TRAPPC9: variants seen among roughly 807,000 people sequenced by gnomAD.
The protein encoded by TRAPPC9 is trafficking protein particle complex subunit 9.
TRAPPC9 carries 83 observed loss-of-function variants against 124.0 expected under a neutral mutation model. That is an observed-to-expected ratio of 0.67 (90% CI 0.56 to 0.80). The LOEUF (loss-of-function observed/expected upper bound fraction) is 0.80. Among genes scored for constraint, TRAPPC9 ranks in the 30% least tolerant of loss-of-function variants. The pLI is 0.00. For synonymous variants in TRAPPC9, 638 were observed against 617.5 expected, an observed-to-expected ratio of 1.03 and a Z score of -0.49; for missense variants, 1,302 against 1,508.3, an observed-to-expected ratio of 0.86 and a Z score of 2.27.
At chr8:139,958,751 G>A (rs574888292) in intron 19 of TRAPPC9, among the ~76,000 whole-genome samples, 1 of 152,352 alleles carries the variant, frequency 6.6e-6, no homozygotes, top group East Asian at 1.9e-4. Context: ...GACAGGGTGT[G>A]CAGTCAGCTT....
chr8:140,318,348 C>T (rs1293741319), intron 9 of TRAPPC9, among the ~76,000 whole-genome samples: 1 of 152,156 alleles, frequency 6.6e-6, no homozygotes, highest in Non-Finnish European at 1.5e-5. Context: ...ATGTCCATCA[C>T]CTGAAATATT....
intron 21 of TRAPPC9, among the ~76,000 whole-genome samples, chr8:139,870,737 G>T (rs1587044096): frequency 6.6e-6 from 1 of 152,346 alleles, no homozygotes; most frequent in East Asian, 1.9e-4. Flanking sequence ...CCAGAAATGG[G>T]ACAACAGCAG....
At chr8:139,865,317 C>T (rs1301616987) in intron 21 of TRAPPC9, among the ~76,000 whole-genome samples, 1 of 152,198 alleles carries the variant, frequency 6.6e-6, no homozygotes, top group Non-Finnish European at 1.5e-5. Flanking sequence ...CCTGAGGACT[C>T]CTTGAGGAGA....
Position 140,435,096 on chromosome 8 carries a change from A to T in TRAPPC9, c.859+16T>A, listed in dbSNP as rs769823460. The T allele has an allele frequency of 1.2e-6, 2 of 1,614,214 alleles. No individual in the cohort carries two copies. The highest frequency in any genetic ancestry group is 1.7e-6 in the Non-Finnish European group (2 of 1,180,022). On this transcript the variant is annotated intron_variant, in intron 4 of 22. Transcript: ENST00000438773. ...GACTGCAAGTGAGCAGAGGCCGGAA[A>T]AAGGGCAGAGCTCACCTGGCCGGTG... is the stretch of plus-strand genomic sequence containing the variant.
chr8:140,215,315 G>C (rs1051145550), intron 17 of TRAPPC9, among the ~76,000 whole-genome samples: 1 of 152,220 alleles, frequency 6.6e-6, no homozygotes. Flanking sequence ...CTCCTTAAGG[G>C]TGGGACCACA....
Position 140,063,258 on chromosome 8 carries a change from A to G in TRAPPC9, c.2557-39179T>C, listed in dbSNP as rs1371070097. Among the ~76,000 whole-genome samples the G allele has an allele frequency of 6.6e-6, 1 of 152,212 alleles. No homozygotes were observed. Among genetic ancestry groups the G allele is most frequent in the Admixed American group, 6.5e-5 (1 of 15,286 alleles). On this transcript the variant is annotated intron_variant, in intron 17 of 22. Coordinates refer to ENST00000438773, the MANE Select transcript of TRAPPC9 (RefSeq NM_001160372.4). This position sits in a 1 kb window ranked among gnomAD's most constrained non-coding sequence, Gnocchi z 4.3. ...TCGGGTGGGAGCACAAAGCCTAAGC[A>G]TATCACCAACACATTTTGGTTTTCA...
intron 21 of TRAPPC9, among the ~76,000 whole-genome samples, chr8:139,786,118 G>GA (rs1433269707): frequency 6.6e-6 from 1 of 152,122 alleles, no homozygotes; most frequent in East Asian, 1.9e-4. Context: ...TGAGGTGGGA[G>GA]AATCACTTGA....
At chr8:139,757,864 T>C (rs949608906) in intron 21 of TRAPPC9, among the ~76,000 whole-genome samples, 2 of 152,288 alleles carry the variant, frequency 1.3e-5, no homozygotes, top group Admixed American at 6.5e-5. Flanking sequence ...GGGGAATCCC[T>C]GAACCCACGG....
At chr8:139,777,086 A>T (rs981450883) in intron 21 of TRAPPC9, among the ~76,000 whole-genome samples, 7 of 152,160 alleles carry the variant, frequency 4.6e-5, no homozygotes, top group African/African-American at 7.2e-5. Flanking sequence ...TGCTCTGATC[A>T]TCTTTCAAGA....
chr8:140,401,524 T>C (rs577325753), intron 6 of TRAPPC9, among the ~76,000 whole-genome samples: 1 of 152,362 alleles, frequency 6.6e-6, no homozygotes, highest in South Asian at 2.1e-4. Flanking sequence ...ACAGTTTCTA[T>C]TGACGTGAGA....
intron 17 of TRAPPC9, among the ~76,000 whole-genome samples, chr8:140,126,487 C>T (rs1160896910): frequency 2.6e-5 from 4 of 152,188 alleles, no homozygotes; most frequent in African/African-American, 9.7e-5. Flanking sequence ...GTTCATCAGA[C>T]ACTCGTAAGA....
intron 21 of TRAPPC9, among the ~76,000 whole-genome samples, chr8:139,760,116 T>C (rs1449832396): frequency 6.6e-6 from 1 of 152,180 alleles, no homozygotes; most frequent in Non-Finnish European, 1.5e-5. Flanking sequence ...TGTATGTGGG[T>C]GTGGAGCGTA....
At chr8:140,255,871 G>A (rs1421754967) in intron 15 of TRAPPC9, among the ~76,000 whole-genome samples, 1 of 152,222 alleles carries the variant, frequency 6.6e-6, no homozygotes, top group African/African-American at 2.4e-5. Flanking sequence ...GGGCAACAAA[G>A]CGAGACTCCG....
intron 7 of TRAPPC9, 149 bp downstream of exon 7, chr8:140,397,471 A>G (rs760009692): frequency 4.5e-6 from 4 of 889,338 alleles, no homozygotes; most frequent in African/African-American, 1.7e-5. Flanking sequence ...ATATACAAAT[A>G]ACCATGTTAA....
chr8:140,160,717 C>T (rs570920066), intron 17 of TRAPPC9, among the ~76,000 whole-genome samples: 9 of 152,052 alleles, frequency 5.9e-5, no homozygotes, highest in African/African-American at 1.9e-4. Flanking sequence ...ATGGGTGCAG[C>T]ACATCAACAT....
chr8:139,746,656 T>C (rs1312911839), intron 21 of TRAPPC9, among the ~76,000 whole-genome samples: 3 of 152,190 alleles, frequency 2.0e-5, no homozygotes, highest in Non-Finnish European at 4.4e-5. Flanking sequence ...CCATGAGATA[T>C]AAACATAATG....
chr8:140,115,010 A>G (rs1261909124), intron 17 of TRAPPC9, among the ~76,000 whole-genome samples: 1 of 152,212 alleles, frequency 6.6e-6, no homozygotes, highest in Non-Finnish European at 1.5e-5. Flanking sequence ...GACTGAAGGA[A>G]GCCCACAATG....
intron 19 of TRAPPC9, among the ~76,000 whole-genome samples, chr8:139,951,179 T>C (rs1324097792): frequency 6.6e-6 from 1 of 152,212 alleles, no homozygotes; most frequent in East Asian, 1.9e-4. Flanking sequence ...ACAAAGCCTC[T>C]GCCAACGCTC....
rs2131502080 is a variant in TRAPPC9, at chr8:140,252,079, C to T, written c.2431+698G>A. 1.3e-5 allele frequency among the ~76,000 whole-genome samples: 2 copies of T among 151,178 alleles called. No individual in the cohort carries two copies. Among genetic ancestry groups the T allele is most frequent in the South Asian group, 4.2e-4 (2 of 4,770 alleles). ...TCACTGTGTTGCCCAGGCTGGAGTG[C>T]AGTGGCGTGATCTCGACTCACTGCA... On this transcript the variant is annotated intron_variant, in intron 16 of 22. Coordinates refer to ENST00000438773, the MANE Select transcript of TRAPPC9 (RefSeq NM_001160372.4). The surrounding 1 kb of genome is among the most constrained non-coding windows in gnomAD (Gnocchi z 4.2).
Sources: gnomAD v4.1 joint callset for allele counts (sites outside exome capture counted in the v4.1 genomes callset) on GRCh38, gnomAD v4.1.1 for gene constraint, Gnocchi (gnomAD v3.1) non-coding constraint, MANE v1.5 for transcripts, NCBI Gene and HGNC (gene_info 2026-07-23, HGNC 2026-07-21) for gene names.